Variants in N4BP2 observed in about 807,000 individuals in gnomAD.
The protein encoded by N4BP2 is NEDD4-binding protein 2.
N4BP2 carries 91 observed loss-of-function variants against 152.8 expected under a neutral mutation model. That is an observed-to-expected ratio of 0.60 (90% confidence interval 0.50 to 0.71). The LOEUF (loss-of-function observed/expected upper bound fraction) is 0.71, where lower values mean the gene tolerates loss of function less well. Ranked by LOEUF, N4BP2 falls within the 30% of genes least tolerant of loss-of-function variation. The probability of loss-of-function intolerance (pLI) is 0.00; values close to 1 mark genes in which losing one functional copy is unlikely to be tolerated. For synonymous variants in N4BP2, 646 were observed against 705.3 expected (o/e 0.92, Z 1.33); for missense variants, 1,923 against 2,059.1 (o/e 0.93, Z 1.28).
Position 40,120,839 on chromosome 4 carries a change from C to T in N4BP2, c.2728C>T (p.Leu910=). 6.2e-7 allele frequency: 1 copy of T among 1,614,076 alleles called. No homozygotes were observed. ...AAAGACTGGTTTAAGTGAGCCCAAC[C>T]TAGAAATTGGAACAAATGACAAAAT... is the stretch of plus-strand genomic sequence containing the variant. ...MPKTGLSEPN[L]EIGTNDKMNE... is the part of the protein sequence containing the mutation. The change falls in exon 9 of 18, where the codon CTA becomes TTA. Residue 910 remains leucine (L), a synonymous_variant. Transcript: ENST00000261435.
chr4:40,175,204 G>A, the N4BP2 span, among the ~76,000 whole-genome samples: 2 of 151,562 alleles, frequency 1.3e-5, no homozygotes, highest in Non-Finnish European at 2.9e-5. Context: ...TTTTTTTATG[G>A]TAAAGACAGG....
chr4:40,167,440 A>G, the N4BP2 span: 1 of 152,238 alleles, frequency 6.6e-6, no homozygotes, highest in Admixed American at 6.5e-5. Flanking sequence ...GATTCCAGAC[A>G]GAAAGAAGTT....
At chr4:40,137,766 T>C (rs747625690) in intron 14 of N4BP2, among the ~76,000 whole-genome samples, 5 of 152,018 alleles carry the variant, frequency 3.3e-5, no homozygotes, top group African/African-American at 7.3e-5. Flanking sequence ...AGCCTGTATT[T>C]TGGTTTCTAT....
Position 40,131,903 on chromosome 4 carries a change from AT to A in N4BP2, c.4634del (p.Phe1545SerfsTer8). On this transcript the variant is annotated frameshift_variant, in exon 13 of 18. Coordinates refer to ENST00000261435, the MANE Select transcript of N4BP2 (RefSeq NM_018177.6). LOFTEE classifies it high-confidence loss of function. ...PAINQNFLVD[I>X]FKDHNYSLEH... Reference sequence around the variant, plus strand: ...CATTAACCAAAATTTTCTGGTGGACATTTTCAAGGACCACAAGTGAGTGCTA... The same window carrying A: ...CATTAACCAAAATTTTCTGGTGGACATTTCAAGGACCACAAGTGAGTGCTA... The A allele has an allele frequency of 1.2e-6, 2 of 1,602,930 alleles. No individual in the cohort carries two copies. Among genetic ancestry groups the A allele is most frequent in the Non-Finnish European group, 1.7e-6 (2 of 1,169,966 alleles).
chr4:40,082,794 G>A (rs1013421810), intron 2 of N4BP2, among the ~76,000 whole-genome samples: 6 of 151,672 alleles, frequency 4.0e-5, no homozygotes, highest in Admixed American at 1.3e-4. Context: ...TCTGCCGCCC[G>A]GGTTCACGCC....
downstream of N4BP2, among the ~76,000 whole-genome samples, chr4:40,159,611 G>A (rs973808209): frequency 6.6e-6 from 1 of 152,142 alleles, no homozygotes; most frequent in Admixed American, 6.5e-5. Context: ...ACCTGCCGTA[G>A]GACACTTCTA....
intron 11 of N4BP2, among the ~76,000 whole-genome samples, chr4:40,124,536 G>A (rs969899164): frequency 1.5e-4 from 23 of 151,984 alleles, no homozygotes; most frequent in Middle Eastern, 3.4e-3. Context: ...TAGTAGAGAC[G>A]GGGTTTCACC....
intron 13 of N4BP2, among the ~76,000 whole-genome samples, chr4:40,133,887 C>A (rs776331236): frequency 6.6e-6 from 1 of 152,144 alleles, no homozygotes; most frequent in African/African-American, 2.4e-5. Flanking sequence ...CTCATTGCAG[C>A]CTTGACCTCC....
chr4:40,167,554 A>G, the N4BP2 span: 1 of 152,246 alleles, frequency 6.6e-6, no homozygotes, highest in South Asian at 2.1e-4. Context: ...CCAGCCAAGC[A>G]TCATTCACCT....
At chr4:40,149,343 T>C (rs1301751125) in intron 16 of N4BP2, among the ~76,000 whole-genome samples, 2 of 152,236 alleles carry the variant, frequency 1.3e-5, no homozygotes, top group African/African-American at 4.8e-5. Context: ...ATATGTTGTA[T>C]GATTTCATTT....
At chr4:40,140,780 T>C (rs1472167913) in intron 14 of N4BP2, among the ~76,000 whole-genome samples, 3 of 151,588 alleles carry the variant, frequency 2.0e-5, no homozygotes, top group Middle Eastern at 3.2e-3. Flanking sequence ...GATTAGGGAG[T>C]GGTGATGACT....
chr4:40,113,423 T>G lies in N4BP2; in HGVS notation c.1588-9T>G, dbSNP rs1385898293. Reference sequence around the variant, plus strand: ...TATTTTAAAATGTTTTTGTCTTTGTTGTATGTAGTCTCAGAAACACAAATA... The same window carrying G: ...TATTTTAAAATGTTTTTGTCTTTGTGGTATGTAGTCTCAGAAACACAAATA... On this transcript the variant is annotated splice_polypyrimidine_tract_variant and intron_variant, in intron 6 of 17. Coordinates refer to ENST00000261435, the MANE Select transcript of N4BP2 (RefSeq NM_018177.6). 6.3e-7 allele frequency: 1 copy of G among 1,589,196 alleles called. No individual in the cohort carries two copies. Among genetic ancestry groups the G allele is most frequent in the Non-Finnish European group, 8.6e-7 (1 of 1,159,150 alleles).
chr4:40,139,123 T>A (rs1387181354), intron 14 of N4BP2, among the ~76,000 whole-genome samples: 2 of 152,236 alleles, frequency 1.3e-5, no homozygotes, highest in Non-Finnish European at 2.9e-5. Flanking sequence ...ATTTTACACA[T>A]CTTTTGTTAA....
chr4:40,161,697 A>G (rs925172646), downstream of N4BP2, among the ~76,000 whole-genome samples: 3 of 152,242 alleles, frequency 2.0e-5, no homozygotes, highest in African/African-American at 4.8e-5. Flanking sequence ...GTGGGTACTT[A>G]GGAAACAAGA....
chr4:40,189,511 G>A, the N4BP2 span, among the ~76,000 whole-genome samples: 1 of 152,174 alleles, frequency 6.6e-6, no homozygotes, highest in East Asian at 1.9e-4. The surrounding 1 kb of genome is among the most constrained non-coding windows in gnomAD (Gnocchi z 4.3). Flanking sequence ...ATAGGAAGCG[G>A]ACTGTGCATC....
At chr4:40,071,723 C>T (rs1252844649) in intron 1 of N4BP2, among the ~76,000 whole-genome samples, 4 of 151,606 alleles carry the variant, frequency 2.6e-5, no homozygotes, top group Admixed American at 6.6e-5. Flanking sequence ...CTCGCCACCA[C>T]GCCCAGCTAA....
At chr4:40,164,374 G>T in the N4BP2 span, among the ~76,000 whole-genome samples, 2 of 152,186 alleles carry the variant, frequency 1.3e-5, no homozygotes, top group African/African-American at 2.4e-5. Flanking sequence ...GCATGGAGAT[G>T]ATGGTAGTCG....
chr4:40,070,758 A>C (rs1712074663), intron 1 of N4BP2, among the ~76,000 whole-genome samples: 1 of 151,876 alleles, frequency 6.6e-6, no homozygotes, highest in South Asian at 2.1e-4. Flanking sequence ...GATACATGCT[A>C]CTTATACTAT....
chr4:40,057,853 C>T (rs1180248680), intron 1 of N4BP2, among the ~76,000 whole-genome samples: 1 of 152,106 alleles, frequency 6.6e-6, no homozygotes, highest in African/African-American at 2.4e-5. Context: ...TTCAAAGGCT[C>T]TTCCTTTCGG....
Sources: allele counts gnomAD v4.1 joint callset (sites outside exome capture counted in the v4.1 genomes callset), GRCh38; gene constraint gnomAD v4.1.1; non-coding constraint Gnocchi (gnomAD v3.1); transcripts MANE v1.5; gene names NCBI Gene and HGNC (gene_info 2026-07-23, HGNC 2026-07-21).